The following PUM1 variants were observed in gnomAD, a reference collection of about 807,000 sequenced individuals.
PUM1 encodes pumilio RNA binding family member 1, also known as pumilio homolog 1.
PUM1 carries 13 observed loss-of-function variants against 131.8 expected under a neutral mutation model. That is an observed-to-expected ratio of 0.10 (90% CI 0.06 to 0.16). PUM1 has a LOEUF of 0.16. Ranked by LOEUF, PUM1 falls within the 10% of genes least tolerant of loss-of-function variation. PUM1 has a pLI of 1.00. For synonymous variants in PUM1, 509 were observed against 556.5 expected (o/e 0.91, Z 1.20); for missense variants, 961 against 1,512.4 (o/e 0.64, Z 6.05).
In PUM1 at chr1:31,030,797, AAAAAG is replaced by A. The variant is rs144587897; in HGVS notation, c.364-1938_364-1934del. Among the ~76,000 whole-genome samples the A allele has an allele frequency of 8.4e-3, 1,277 of 152,340 alleles. 7 individuals carry two copies. Among genetic ancestry groups the A allele is most frequent in the Middle Eastern group, 0.031 (9 of 294 alleles). ...TCTTAACTGTCAGAACTAACACTGC[AAAAAG>A]ATACAGTTGCATTATTGTTTTCAGT... On this transcript the variant is annotated intron_variant, in intron 2 of 21. Coordinates refer to ENST00000426105, the MANE Select transcript of PUM1 (RefSeq NM_001020658.2).
At chr1:31,031,366 G>C (rs1643424650) in intron 2 of PUM1, among the ~76,000 whole-genome samples, 1 of 152,200 alleles carries the variant, frequency 6.6e-6, no homozygotes, top group Non-Finnish European at 1.5e-5. Flanking sequence ...AGGAAACTAA[G>C]TAGGAGGAGT....
Position 31,059,366 on chromosome 1 carries a change from T to A in PUM1, c.201A>T (p.Gly67=). ...AAGTHSSPVP[G]SIGVAGRSQD... is the part of the protein sequence containing the mutation. ...GGGAACGGCCTGCAACTCCTATAGA[T>A]CCTGGGACAGGGCTGGAGTGAGTCC... The change falls in exon 2 of 22, where the codon GGA becomes GGT. Residue 67 remains glycine (G), a synonymous_variant. Coordinates refer to ENST00000426105, the MANE Select transcript of PUM1 (RefSeq NM_001020658.2). The A allele has an allele frequency of 6.2e-7, 1 of 1,614,120 alleles. No homozygotes were observed. Among genetic ancestry groups the A allele is most frequent in the Non-Finnish European group, 8.5e-7 (1 of 1,180,024 alleles).
chr1:30,973,871 CGAGGTCAGGAGTTT>C (rs1361959587), intron 10 of PUM1, among the ~76,000 whole-genome samples: 1 of 151,802 alleles, frequency 6.6e-6, no homozygotes, highest in Non-Finnish European at 1.5e-5. Context: ...GGGTGGATCA[CGAGGTCAGGAGTTT>C]GAGACAAGCC....
At chr1:30,967,139 G>C in intron 12 of PUM1, 28 bp downstream of exon 12, 1 of 1,608,894 alleles carries the variant, frequency 6.2e-7, no homozygotes, top group Non-Finnish European at 8.5e-7. Context: ...TAGATCTCTG[G>C]CAGGAGTCCA....
At chr1:30,994,672 A>T (rs1201886090) in intron 6 of PUM1, among the ~76,000 whole-genome samples, 1 of 152,258 alleles carries the variant, frequency 6.6e-6, no homozygotes, top group Non-Finnish European at 1.5e-5. Context: ...CCAGAGGGAT[A>T]TGACATATTC....
In PUM1 at chr1:31,038,958, T is replaced by TATATATATATATATATA. The variant is rs1553152630; in HGVS notation, c.364-10095_364-10094insTATATATATATATATAT. Among the ~76,000 whole-genome samples the TATATATATATATATATA allele has an allele frequency of 6.1e-3, 268 of 43,640 alleles. 48 individuals are homozygous for TATATATATATATATATA. The highest frequency in any genetic ancestry group is 8.8e-3 in the Admixed American group (36 of 4,112). 28.6% of individuals were successfully genotyped at this position (43,640 alleles called of 152,430 possible). A position where few individuals can be genotyped will look rare whatever the true frequency, so the allele number is the denominator to read the frequency against. On this transcript the variant is annotated intron_variant, in intron 2 of 21. Coordinates refer to ENST00000426105, the MANE Select transcript of PUM1 (RefSeq NM_001020658.2). Reference sequence around the variant, plus strand: ...TAGCCATTTAAAATGTTTTAAAATTTTATATATATATATATATATATATAT... The same window carrying TATATATATATATATATA: ...TAGCCATTTAAAATGTTTTAAAATTTATATATATATATATATATATATATATATATATATATATATAT...
chr1:31,061,930 A>AAAAC (rs374074741), intron 1 of PUM1: 4 of 152,274 alleles, frequency 2.6e-5, no homozygotes, highest in African/African-American at 4.8e-5. Flanking sequence ...TCCTGTCTCA[A>AAAAC]AAACAAACAA....
intron 1 of PUM1, 131 bp downstream of exon 1, chr1:31,065,485 G>A: frequency 2.7e-6 from 3 of 1,097,972 alleles, no homozygotes; most frequent in Non-Finnish European, 2.5e-6. Flanking sequence ...AGAAGCCTCA[G>A]CCAGGGCCCC....
chr1:30,936,952 A>C, intron 20 of PUM1, 117 bp from the exon 21 acceptor site: 1 of 877,880 alleles, frequency 1.1e-6, no homozygotes, highest in Non-Finnish European at 1.7e-6. Context: ...GCTATTTAAC[A>C]TTTGAGGAAG....
intron 1 of PUM1, among the ~76,000 whole-genome samples, chr1:31,061,109 C>G (rs1644357989): frequency 6.6e-6 from 1 of 152,056 alleles, no homozygotes. Context: ...AGTACTTCAA[C>G]TACTATAAAC....
At position 31,019,340 on chromosome 1, in the gene PUM1, A is replaced by C. The variant is rs574993733; in HGVS notation, c.432+9456T>G. 1.3e-3 allele frequency among the ~76,000 whole-genome samples: 205 copies of C among 152,374 alleles called. 1 individual carries two copies. The highest frequency in any genetic ancestry group is 2.3e-3 in the Non-Finnish European group (159 of 68,036). ...GCGCTCCAGCCTGGGCAACAGGGCAAGACTCTGTTTCAAAAACATAAATAA... is the reference window on the plus strand; with the variant it reads ...GCGCTCCAGCCTGGGCAACAGGGCACGACTCTGTTTCAAAAACATAAATAA... On this transcript the variant is annotated intron_variant, in intron 3 of 21. Coordinates refer to ENST00000426105, the MANE Select transcript of PUM1 (RefSeq NM_001020658.2).
intron 20 of PUM1, among the ~76,000 whole-genome samples, chr1:30,938,867 T>C (rs531134022): frequency 6.6e-6 from 1 of 151,372 alleles, no homozygotes; most frequent in East Asian, 2.0e-4. Flanking sequence ...TCCATCTCAT[T>C]CATAGATAGA....
chr1:30,934,279 A>G (rs1016184054), intron 21 of PUM1, among the ~76,000 whole-genome samples: 10 of 152,156 alleles, frequency 6.6e-5, no homozygotes, highest in Non-Finnish European at 1.2e-4. Context: ...TTAATTATCA[A>G]TCTTTCCATA....
intron 7 of PUM1, among the ~76,000 whole-genome samples, chr1:30,987,193 A>AG (rs1223115893): frequency 6.9e-6 from 1 of 145,584 alleles, no homozygotes; most frequent in Non-Finnish European, 1.5e-5. Flanking sequence ...ACCTAGTAAC[A>AG]AATTTTTTTT....
intron 6 of PUM1, among the ~76,000 whole-genome samples, chr1:30,992,933 A>G (rs1641845977): frequency 6.6e-6 from 1 of 152,202 alleles, no homozygotes; most frequent in Non-Finnish European, 1.5e-5. Context: ...GGGTTTGAGG[A>G]AAACTGAAAT....
At chr1:30,950,822 C>T (rs1639903612) in intron 16 of PUM1, among the ~76,000 whole-genome samples, 1 of 152,240 alleles carries the variant, frequency 6.6e-6, no homozygotes, top group Non-Finnish European at 1.5e-5. Flanking sequence ...GATAGCACCA[C>T]TACACTCCAG....
At chr1:30,981,512 C>T (rs1641355256) in intron 7 of PUM1, 107 bp from the exon 8 acceptor site, 1 of 581,778 alleles carries the variant, frequency 1.7e-6, no homozygotes. Context: ...AGGCGTGACA[C>T]CTTAACAATA....
chr1:30,984,024 C>T (rs760240913), intron 7 of PUM1, among the ~76,000 whole-genome samples: 2 of 152,182 alleles, frequency 1.3e-5, no homozygotes, highest in Non-Finnish European at 2.9e-5. Context: ...ATAACATTAG[C>T]TTGTGGTTTT....
intron 5 of PUM1, 128 bp from the exon 6 acceptor site, chr1:30,995,348 A>C: frequency 2.0e-6 from 2 of 988,866 alleles, no homozygotes; most frequent in African/African-American, 1.6e-5. Context: ...CACACATTAC[A>C]ATCTAATTAA....
Sources: gnomAD v4.1 joint callset for allele counts (sites outside exome capture counted in the v4.1 genomes callset) on GRCh38, gnomAD v4.1.1 for gene constraint, MANE v1.5 for transcripts, NCBI Gene and HGNC (gene_info 2026-07-23, HGNC 2026-07-21) for gene names.